Variants in ZNF808 observed in about 807,000 individuals in gnomAD.
ZNF808 encodes zinc finger protein 808.
A neutral mutation model predicts 8.7 loss-of-function variants in ZNF808; 5 were observed. The ratio of observed to expected loss-of-function variants is 0.58; its 90% CI spans 0.30 to 1.21. The LOEUF is 1.21. Ranked by LOEUF, ZNF808 falls within the 50% of genes most tolerant of loss-of-function variation. The pLI, the probability that ZNF808 is intolerant of heterozygous loss-of-function variation, is 0.07. For missense variants in ZNF808, 1,103 were observed against 1,098.4 expected (o/e 1.00, Z -0.06); for synonymous variants, 380 against 366.0 (o/e 1.04, Z -0.44).
rs143017076 is a variant in ZNF808 at position 52,530,970 on chromosome 19, C to T, written c.-121-1938C>T. Among the ~76,000 whole-genome samples, 639 of 151,582 alleles carry T rather than the reference C, an allele frequency of 4.2e-3. 2 individuals are homozygous for T. Among genetic ancestry groups the T allele is most frequent in the Non-Finnish European group, 6.4e-3 (435 of 67,842 alleles). ...CCAGCCTGGGTGACAGAGTGAGACT[C>T]CGTCTCCCCGCCCCCCAAAAAAAGA... On this transcript the variant is annotated intron_variant, in intron 1 of 4. Coordinates refer to ENST00000359798, the MANE Select transcript of ZNF808 (RefSeq NM_001039886.4).
downstream of ZNF808, among the ~76,000 whole-genome samples, chr19:52,558,044 T>TTTTTTTTGG (rs1600048432): frequency 1.4e-5 from 2 of 138,510 alleles, no homozygotes; most frequent in African/African-American, 2.8e-5. Context: ...TTTTTTTTTT[T>TTTTTTTTGG]GAGGGTAGGA....
intron 1 of ZNF808, among the ~76,000 whole-genome samples, chr19:52,530,638 G>T (rs1437306300): frequency 1.3e-5 from 2 of 150,436 alleles, no homozygotes; most frequent in Non-Finnish European, 3.0e-5. Flanking sequence ...ATGCCAGGCT[G>T]GGCAACGGAG....
chr19:52,531,084 G>A (rs1255190652), intron 1 of ZNF808, among the ~76,000 whole-genome samples: 1 of 152,164 alleles, frequency 6.6e-6, no homozygotes, highest in African/African-American at 2.4e-5. Flanking sequence ...GGAGAATCAT[G>A]CCACTACACT....
intron 4 of ZNF808, among the ~76,000 whole-genome samples, chr19:52,550,260 T>C (rs2059763759): frequency 6.6e-6 from 1 of 151,912 alleles, no homozygotes; most frequent in Non-Finnish European, 1.5e-5. Context: ...GATGGAGTTT[T>C]GCTCCCGTTG....
chr19:52,554,319 C>T lies in ZNF808; in HGVS notation c.1403C>T (p.Ser468Leu), dbSNP rs1425405194. Reference protein sequence around the residue: ...KVCDTAFTCNSQLARHRRIHT... With the variant: ...KVCDTAFTCNLQLARHRRIHT... ...TGTGATACAGCTTTCACGTGTAATT[C>T]ACAGCTGGCACGACATAGAAGAATT... Residue 468 changes from serine to leucine, a missense_variant, in exon 5 of 5, where the codon TCA (serine) becomes TTA (leucine). By Grantham distance (145) the Ser-to-Leu change is moderately radical. Coordinates refer to ENST00000359798, the MANE Select transcript of ZNF808 (RefSeq NM_001039886.4). The T allele has an allele frequency of 6.2e-7, 1 of 1,614,054 alleles. No homozygotes were observed. The highest frequency in any genetic ancestry group is 8.5e-7 in the Non-Finnish European group (1 of 1,180,018).
rs1195369259 is a variant in ZNF808 at position 52,553,702 on chromosome 19, T to C, written c.786T>C (p.Asp262=). 5.6e-6 allele frequency: 9 copies of C among 1,614,020 alleles called. No individual in the cohort carries two copies. The African/African-American group carries it at 9.3e-5, about 17-fold the overall frequency. ...TAGGAGACAAACAATATAAATGTGA[T>C]GTATGTGGCAAGCTCTTTAATCACA... ...PHLGDKQYKC[D]VCGKLFNHKQ... Residue 262 remains aspartate (D), a synonymous_variant, in exon 5 of 5, where the codon GAT becomes GAC. Transcript: ENST00000359798.
intron 1 of ZNF808, among the ~76,000 whole-genome samples, chr19:52,529,481 A>C (rs1195814449): frequency 6.6e-6 from 1 of 152,222 alleles, no homozygotes; most frequent in Non-Finnish European, 1.5e-5. Flanking sequence ...ATAATCTAAT[A>C]ACTAAAAACT....
intron 4 of ZNF808, among the ~76,000 whole-genome samples, chr19:52,550,036 T>C (rs1327488814): frequency 6.6e-6 from 1 of 152,152 alleles, no homozygotes; most frequent in Non-Finnish European, 1.5e-5. Context: ...GTTCTCCTTG[T>C]ATTTTCTGGT....
At position 52,555,645 on chromosome 19, in the gene ZNF808, A is replaced by G; in HGVS notation, c.*17A>G. The G allele has an allele frequency of 6.3e-7, 1 of 1,585,760 alleles. No homozygotes were observed. Among genetic ancestry groups the G allele is most frequent in the African/African-American group, 1.3e-5 (1 of 74,286 alleles). On this transcript the variant is annotated 3_prime_UTR_variant, in exon 5 of 5. Coordinates refer to ENST00000359798, the MANE Select transcript of ZNF808 (RefSeq NM_001039886.4). Reference sequence around the variant, plus strand: ...TTTGATTAATATAATGATTGTCACAAAGTCTTCAGTAACACTACAACAATT... The same window carrying G: ...TTTGATTAATATAATGATTGTCACAGAGTCTTCAGTAACACTACAACAATT...
chr19:52,554,048 A>G lies in ZNF808; in HGVS notation c.1132A>G (p.Lys378Glu). ...VKPYKCKICE[K>E]AFACHSYLAN... ...ACCTTACAAATGTAAGATTTGTGAG[A>G]AGGCTTTTGCGTGTCATTCCTATCT... is the stretch of plus-strand genomic sequence containing the variant. Residue 378 changes from lysine (K) to glutamate (E), a missense_variant, in exon 5 of 5, where the codon AAG becomes GAG. Lys to Glu is a moderately conservative substitution (Grantham distance 56). Transcript: ENST00000359798. 1 of 1,614,152 alleles carries G rather than the reference A, an allele frequency of 6.2e-7. No individual in the cohort carries two copies. Among genetic ancestry groups the G allele is most frequent in the Non-Finnish European group, 8.5e-7 (1 of 1,180,006 alleles).
intron 3 of ZNF808, among the ~76,000 whole-genome samples, chr19:52,543,587 T>C (rs935085556): frequency 6.6e-6 from 1 of 152,154 alleles, no homozygotes; most frequent in Non-Finnish European, 1.5e-5. Flanking sequence ...GGGCATGGTC[T>C]TGGGAAGGGC....
chr19:52,568,695 G>A (rs2059879400), downstream of ZNF808, among the ~76,000 whole-genome samples: 1 of 152,094 alleles, frequency 6.6e-6, no homozygotes, highest in South Asian at 2.1e-4. Context: ...TGGAGTTGAG[G>A]TTTCCAGGTG....
chr19:52,536,507 T>TC (rs2059612869), intron 2 of ZNF808, among the ~76,000 whole-genome samples: 1 of 151,692 alleles, frequency 6.6e-6, no homozygotes, highest in Non-Finnish European at 1.5e-5. Flanking sequence ...GCCCCCTACA[T>TC]CCCCCCTCGT....
In ZNF808 at chr19:52,555,250, T is replaced by A. The variant is rs773789528; in HGVS notation, c.2334T>A (p.Leu778=). ...ATACCTTCCGTCACTGGTCATCCCT[T>A]GTATACCATCGTAGACTTCATACTG... is the stretch of plus-strand genomic sequence containing the variant. ...CGNTFRHWSS[L]VYHRRLHTGE... The change falls in exon 5 of 5, where the codon CTT becomes CTA. Residue 778 remains leucine (L), a synonymous_variant. Transcript: ENST00000359798. The A allele has an allele frequency of 2.5e-6, 4 of 1,614,084 alleles. No homozygotes were observed. The highest frequency in any genetic ancestry group is 2.5e-6 in the Non-Finnish European group (3 of 1,180,020).
chr19:52,558,017 CTTTTTTTTTT>C (rs66789100), downstream of ZNF808, among the ~76,000 whole-genome samples: 6,516 of 46,328 alleles, frequency 0.14, 218 homozygotes, highest in Middle Eastern at 0.3. Context: ...CTAGGTGTGG[CTTTTTTTTTT>C]TTTTTTTTTT....
chr19:52,535,508 G>A (rs1350436248), intron 2 of ZNF808, among the ~76,000 whole-genome samples: 2 of 151,886 alleles, frequency 1.3e-5, no homozygotes, highest in Non-Finnish European at 2.9e-5. Context: ...TCCGCCCCGT[G>A]CCCGCATCCC....
At chr19:52,544,871 C>T (rs916941929) in intron 3 of ZNF808, among the ~76,000 whole-genome samples, 2 of 152,144 alleles carry the variant, frequency 1.3e-5, no homozygotes, top group African/African-American at 4.8e-5. Context: ...ACAACCTCTG[C>T]CTTCTGGCTT....
At chr19:52,550,531 AT>A (rs35082576) in intron 4 of ZNF808, among the ~76,000 whole-genome samples, 50,939 of 142,082 alleles carry the variant, frequency 0.36, 9,476 homozygotes, top group East Asian at 0.53. Flanking sequence ...TGTCCGGGCT[AT>A]TTTTTTTTTT....
rs528109245 is a variant in ZNF808 at position 52,555,001 on chromosome 19, A to G, written c.2085A>G (p.Ala695=). ...DKAFVCRSYV[A]KHTRIHSGMK... is the part of the protein sequence containing the mutation. ...CTTTCGTGTGTCGTTCCTATGTGGC[A>G]AAACATACTAGAATTCACAGTGGAA... is the stretch of plus-strand genomic sequence containing the variant. Residue 695 remains alanine (A), a synonymous_variant, in exon 5 of 5, where the codon GCA becomes GCG. Transcript: ENST00000359798. The G allele has an allele frequency of 2.1e-5, 34 of 1,614,062 alleles. No individual in the cohort carries two copies. In the South Asian group the frequency reaches 2.4e-4, roughly 11 times the overall value.
Sources: gnomAD v4.1 joint callset for allele counts (sites outside exome capture counted in the v4.1 genomes callset) on GRCh38, gnomAD v4.1.1 for gene constraint, MANE v1.5 for transcripts, NCBI Gene and HGNC (gene_info 2026-07-23, HGNC 2026-07-21) for gene names.